Variants in DMD observed in about 807,000 individuals in gnomAD.
DMD encodes the protein dystrophin.
In DMD, 63 loss-of-function variants were observed where a neutral mutation model predicts 330.1. That is an observed-to-expected ratio of 0.19 (90% CI 0.16 to 0.24). The LOEUF (loss-of-function observed/expected upper bound fraction) is 0.24, where lower values mean the gene tolerates loss of function less well. Among genes scored for constraint, DMD ranks in the 10% least tolerant of loss-of-function variants. DMD has a pLI of 1.00. For missense variants in DMD, 3,344 were observed against 2,684.1 expected (o/e 1.25, Z -5.43); for synonymous variants, 1,223 against 959.8 (o/e 1.27, Z -5.07).
chrX:33,104,140 G>A (rs2095265360), intron 1 of DMD, among the ~76,000 whole-genome samples: 1 of 111,716 alleles, frequency 9.0e-6, no homozygotes, highest in Admixed American at 9.6e-5. Context: ...CCTTTCACAG[G>A]TAAACTTTCT....
At chrX:32,544,373 G>A (rs1303177904) in intron 17 of DMD, among the ~76,000 whole-genome samples, 1 of 111,700 alleles carries the variant, frequency 9.0e-6, no homozygotes, top group Non-Finnish European at 1.9e-5. Context: ...AATGTCAAGT[G>A]TTCCATGAGT....
intron 34 of DMD, among the ~76,000 whole-genome samples, chrX:32,379,399 C>A (rs758996235): frequency 1.4e-3 from 154 of 110,455 alleles, no homozygotes; most frequent in African/African-American, 4.8e-3. Context: ...GAGGCTAATG[C>A]AAAAATACCT....
intron 29 of DMD, among the ~76,000 whole-genome samples, chrX:32,436,381 AG>A (rs1323057493): frequency 4.5e-5 from 5 of 111,716 alleles, no homozygotes; most frequent in Non-Finnish European, 7.5e-5. Context: ...GTGTTATTCT[AG>A]CCCAAGTTTC....
intron 44 of DMD, among the ~76,000 whole-genome samples, chrX:32,023,314 C>T (rs2095821325): frequency 9.0e-6 from 1 of 111,187 alleles, no homozygotes; most frequent in African/African-American, 3.3e-5. Flanking sequence ...GTATTATCAT[C>T]TTAGTTTATC....
chrX:33,084,851 G>A (rs2094981629), intron 1 of DMD, among the ~76,000 whole-genome samples: 1 of 111,831 alleles, frequency 8.9e-6, no homozygotes, highest in South Asian at 3.7e-4. Context: ...GTGGAGGTTA[G>A]AAGCAAGATG....
chrX:31,281,566 G>A (rs182903002), intron 62 of DMD, among the ~76,000 whole-genome samples: 2 of 93,037 alleles, frequency 2.1e-5, no homozygotes, highest in East Asian at 2.8e-4. Flanking sequence ...CTTTTTAAAC[G>A]TTAAAAAAAT....
chrX:32,798,865 A>G (rs755131432), intron 7 of DMD, among the ~76,000 whole-genome samples: 2 of 111,398 alleles, frequency 1.8e-5, no homozygotes, highest in East Asian at 5.6e-4. Context: ...ATTAACTCTA[A>G]TCCTCCTGAG....
chrX:32,895,950 G>A (rs941271344), intron 2 of DMD, among the ~76,000 whole-genome samples: 3 of 110,512 alleles, frequency 2.7e-5, no homozygotes, highest in Non-Finnish European at 5.7e-5. Context: ...ACAGTCTAGA[G>A]GAAGAGATCA....
intron 7 of DMD, among the ~76,000 whole-genome samples, chrX:32,792,216 TG>T (rs2075870563): frequency 9.0e-6 from 1 of 111,560 alleles, no homozygotes; most frequent in African/African-American, 3.3e-5. Flanking sequence ...ACCATGATAC[TG>T]GCCTTACAAG....
At chrX:31,194,222 G>T (rs1198727736) in intron 67 of DMD, among the ~76,000 whole-genome samples, 4 of 111,266 alleles carry the variant, frequency 3.6e-5, no homozygotes. Context: ...ACAAAATGCT[G>T]GGAGACTGTT....
At chrX:32,394,933 AG>A (rs1226389976) in intron 30 of DMD, among the ~76,000 whole-genome samples, 26 of 89,023 alleles carry the variant, frequency 2.9e-4, no homozygotes, top group East Asian at 1.2e-3. Context: ...AAAAAAAAAA[AG>A]AAAAGAAATC....
At chrX:32,482,463 C>A (rs1249862646) in intron 21 of DMD, among the ~76,000 whole-genome samples, 1 of 111,798 alleles carries the variant, frequency 8.9e-6, no homozygotes, top group Admixed American at 9.5e-5. Flanking sequence ...GTACTCCATG[C>A]TGTAGCATGT....
intron 41 of DMD, among the ~76,000 whole-genome samples, chrX:32,328,129 A>C (rs2148703335): frequency 9.0e-6 from 1 of 111,630 alleles, no homozygotes; most frequent in South Asian, 3.7e-4. Flanking sequence ...CATGCATAAT[A>C]ACATTAACGC....
At chrX:32,358,495 C>T (rs1362701203) in intron 37 of DMD, among the ~76,000 whole-genome samples, 1 of 111,482 alleles carries the variant, frequency 9.0e-6, no homozygotes, top group Non-Finnish European at 1.9e-5. Context: ...ATTAAAACTG[C>T]CATTTCCTCA....
intron 44 of DMD, among the ~76,000 whole-genome samples, chrX:32,022,825 CTTTTTTT>C (rs753993138): frequency 1.1e-5 from 1 of 90,403 alleles, no homozygotes; most frequent in African/African-American, 4.3e-5. Flanking sequence ...GTATAATCCT[CTTTTTTT>C]TTTTTTTTTT....
intron 43 of DMD, among the ~76,000 whole-genome samples, chrX:32,249,884 A>G (rs1300005253): frequency 9.0e-6 from 1 of 111,636 alleles, no homozygotes; most frequent in Admixed American, 9.6e-5. Flanking sequence ...TGCATCACCT[A>G]GCCATAAGTA....
At chrX:31,320,522 C>T (rs1009287131) in intron 62 of DMD, among the ~76,000 whole-genome samples, 3 of 112,237 alleles carry the variant, frequency 2.7e-5, no homozygotes, top group African/African-American at 9.7e-5. Flanking sequence ...GGTTGAAGCA[C>T]TGTCACTGTA....
intron 2 of DMD, among the ~76,000 whole-genome samples, chrX:32,964,606 G>A (rs2092058855): frequency 9.0e-6 from 1 of 110,864 alleles, no homozygotes; most frequent in Non-Finnish European, 1.9e-5. Flanking sequence ...TACTAGGGAG[G>A]CTGAGGCAGG....
intron 60 of DMD, among the ~76,000 whole-genome samples, chrX:31,358,717 GAC>G (rs775628536): frequency 5.3e-4 from 60 of 112,625 alleles, no homozygotes; most frequent in Non-Finnish European, 1.1e-3. Flanking sequence ...CCATAAGAGA[GAC>G]ATGTGTCGGC....
Sources: gnomAD v4.1 joint callset for allele counts (sites outside exome capture counted in the v4.1 genomes callset) on GRCh38, gnomAD v4.1.1 for gene constraint, MANE v1.5 for transcripts, NCBI Gene and HGNC (gene_info 2026-07-23, HGNC 2026-07-21) for gene names.